Variants in FAT3 observed in about 807,000 individuals in gnomAD.
The protein encoded by FAT3 is protocadherin Fat 3.
FAT3 carries 95 observed loss-of-function variants against 310.2 expected under a neutral mutation model. That is an observed-to-expected ratio of 0.31 (90% CI 0.26 to 0.36). The LOEUF is 0.36. Among genes scored for constraint, FAT3 ranks in the 10% least tolerant of loss-of-function variants. The pLI is 1.00. For missense variants in FAT3, 5,408 were observed against 5,715.6 expected (o/e 0.95, Z 1.74); for synonymous variants, 2,314 against 2,192.9 (o/e 1.06, Z -1.54).
At chr11:92,824,745 A>G (rs953798648) in intron 13 of FAT3, among the ~76,000 whole-genome samples, 1 of 152,044 alleles carries the variant, frequency 6.6e-6, no homozygotes, top group African/African-American at 2.4e-5. Context: ...ATTTTTAACC[A>G]TGGTTACCAC....
chr11:92,446,294 C>G (rs1757893351), intron 2 of FAT3, among the ~76,000 whole-genome samples: 1 of 152,156 alleles, frequency 6.6e-6, no homozygotes, highest in African/African-American at 2.4e-5. Flanking sequence ...TTACTATTCC[C>G]ATTTTACAGG....
intron 3 of FAT3, among the ~76,000 whole-genome samples, chr11:92,553,175 A>G (rs1954881426): frequency 6.6e-6 from 1 of 152,178 alleles, no homozygotes; most frequent in Non-Finnish European, 1.5e-5. Flanking sequence ...TAATGCTGCG[A>G]AAAATTAATA....
chr11:92,466,824 C>T (rs1565338883), intron 2 of FAT3, among the ~76,000 whole-genome samples: 1 of 147,198 alleles, frequency 6.8e-6, no homozygotes, highest in Non-Finnish European at 1.5e-5. Context: ...TGAGTGAGAA[C>T]ATGCGGTGTT....
In FAT3 at chr11:92,835,043, G is replaced by C; in HGVS notation, c.10045G>C (p.Val3349Leu). The change falls in exon 15 of 28, where the codon GTT becomes CTT. Residue 3349 changes from valine (V) to leucine (L), a missense_variant. Val to Leu is a conservative substitution (Grantham distance 32). Around this residue, in one of 5 missense-constraint regions of FAT3, gnomAD observed 4,588 missense variants for 4,809.8 expected, o/e 0.95. Transcript: ENST00000525166. ...PKFSQDVYSA[V>L]ISEDALVGDS... The stretch of plus-strand genomic sequence containing the variant: ...GTTCAGCCAAGACGTCTACAGTGCG[G>C]TTATCAGTGAAGACGCCTTGGTGGG... 6.2e-7 allele frequency: 1 copy of C among 1,613,556 alleles called. No individual in the cohort carries two copies. The highest frequency in any genetic ancestry group is 8.5e-7 in the Non-Finnish European group (1 of 1,179,740).
At chr11:92,668,580 C>T (rs1011400415) in intron 3 of FAT3, among the ~76,000 whole-genome samples, 21 of 152,266 alleles carry the variant, frequency 1.4e-4, no homozygotes, top group African/African-American at 4.3e-4. Context: ...GCTGCGTGAC[C>T]TTGATCAAGT....
intron 3 of FAT3, among the ~76,000 whole-genome samples, chr11:92,657,070 G>A (rs927952333): frequency 6.6e-6 from 1 of 152,164 alleles, no homozygotes; most frequent in Non-Finnish European, 1.5e-5. Flanking sequence ...TACAGGAAGA[G>A]TGTTGGTTGA....
At chr11:92,820,379 C>T (rs1191220400) in intron 13 of FAT3, among the ~76,000 whole-genome samples, 1 of 152,106 alleles carries the variant, frequency 6.6e-6, no homozygotes, top group African/African-American at 2.4e-5. Flanking sequence ...TAGGACCCCA[C>T]CCTTAAGACC....
chr11:92,435,514 C>CCTTG (rs2135049261), intron 2 of FAT3, among the ~76,000 whole-genome samples: 1 of 141,060 alleles, frequency 7.1e-6, no homozygotes, highest in East Asian at 2.1e-4. Context: ...TTCCTTCCTT[C>CCTTG]CTTCCTTTCT....
intron 2 of FAT3, among the ~76,000 whole-genome samples, chr11:92,520,897 G>T (rs1953659797): frequency 6.6e-6 from 1 of 152,042 alleles, no homozygotes; most frequent in Non-Finnish European, 1.5e-5. Context: ...TAACAGGAGA[G>T]AATTCTAATT....
chr11:92,416,322 T>A (rs1950411809), intron 2 of FAT3, among the ~76,000 whole-genome samples: 1 of 149,490 alleles, frequency 6.7e-6, no homozygotes. Context: ...AAGCGGAGGT[T>A]GCAGTGAGGC....
intron 3 of FAT3, among the ~76,000 whole-genome samples, chr11:92,625,353 G>A (rs775823111): frequency 7.2e-5 from 11 of 152,114 alleles, no homozygotes; most frequent in African/African-American, 1.4e-4. Context: ...AGAAACCATG[G>A]GCTGTCCATC....
At position 92,352,715 on chromosome 11, in the gene FAT3, T is replaced by G. The variant is rs1290453605; in HGVS notation, c.603T>G (p.Val201=). Reference sequence around the variant, plus strand: ...TCTACTACTACTTTAAAAATAAAGTTGATCTCTTTTCAGTTCACCCCACGA... The same window carrying G: ...TCTACTACTACTTTAAAAATAAAGTGGATCTCTTTTCAGTTCACCCCACGA... ...GEFYYYFKNK[V]DLFSVHPTSG... Residue 201 remains valine (V), a synonymous_variant, in exon 2 of 28, where the codon GTT becomes GTG. Coordinates refer to ENST00000525166, the MANE Select transcript of FAT3 (RefSeq NM_001367949.2). 1 of 1,613,836 alleles carries G rather than the reference T, an allele frequency of 6.2e-7. No homozygotes were observed. Among genetic ancestry groups the G allele is most frequent in the South Asian group, 1.1e-5 (1 of 91,076 alleles).
chr11:92,314,717 C>A (rs1947391706), intron 1 of FAT3, among the ~76,000 whole-genome samples: 1 of 152,174 alleles, frequency 6.6e-6, no homozygotes, highest in Admixed American at 6.5e-5. Flanking sequence ...AGTTTGAAGC[C>A]AGAATTGGGA....
chr11:92,499,723 A>ATGTGTGTGTGTGTGTGTGTGTGTG (rs61267708), intron 2 of FAT3, among the ~76,000 whole-genome samples: 3 of 127,744 alleles, frequency 2.3e-5, no homozygotes, highest in African/African-American at 5.3e-5. Flanking sequence ...ATGTGTGTGT[A>ATGTGTGTGTGTGTGTGTGTGTGTG]TGTGTGTGTG....
At chr11:92,534,895 C>T (rs1954202173) in intron 3 of FAT3, among the ~76,000 whole-genome samples, 1 of 152,054 alleles carries the variant, frequency 6.6e-6, no homozygotes, top group Non-Finnish European at 1.5e-5. Flanking sequence ...GTTATTTTTA[C>T]GTTTAGGTTT....
chr11:92,529,633 A>C, intron 3 of FAT3, among the ~76,000 whole-genome samples: 1 of 152,198 alleles, frequency 6.6e-6, no homozygotes. Context: ...ACATACATAA[A>C]AGAGACCCCT....
At chr11:92,300,810 T>C (rs1376095769) in intron 1 of FAT3, among the ~76,000 whole-genome samples, 1 of 152,198 alleles carries the variant, frequency 6.6e-6, no homozygotes, top group Non-Finnish European at 1.5e-5. Context: ...ATTTGTCAAA[T>C]ACATGCATGA....
chr11:92,249,959 C>T (rs111865327), intron 1 of FAT3, among the ~76,000 whole-genome samples: 1,750 of 152,200 alleles, frequency 0.011, 33 homozygotes, highest in African/African-American at 0.039. Context: ...AGACTTTCAT[C>T]TGTCATAAAG....
intron 18 of FAT3, among the ~76,000 whole-genome samples, chr11:92,842,914 A>G (rs1948587362): frequency 6.6e-6 from 1 of 152,172 alleles, no homozygotes; most frequent in South Asian, 2.1e-4. Flanking sequence ...AAATAAAAAT[A>G]ACAATCACAT....
Sources: allele counts gnomAD v4.1 joint callset (sites outside exome capture counted in the v4.1 genomes callset), GRCh38; gene constraint gnomAD v4.1.1; regional missense constraint gnomAD v4.1.1; transcripts MANE v1.5; gene names NCBI Gene and HGNC (gene_info 2026-07-23, HGNC 2026-07-21).